CFAP95: variants seen among roughly 807,000 people sequenced by gnomAD.
CFAP95 encodes cilia- and flagella-associated protein 95.
chr9:69,847,400 T>C, the CFAP95 span, among the ~76,000 whole-genome samples: 2 of 152,148 alleles, frequency 1.3e-5, no homozygotes, highest in African/African-American at 4.8e-5. Context: ...AGCTAGAAAG[T>C]GTATTAAAAA....
chr9:69,886,953 C>T, the CFAP95 span: 2 of 1,344,094 alleles, frequency 1.5e-6, no homozygotes, highest in East Asian at 2.3e-5. Context: ...ATTATTTGCA[C>T]CTAGTATAGT....
At chr9:69,847,426 C>T in the CFAP95 span, among the ~76,000 whole-genome samples, 11 of 152,176 alleles carry the variant, frequency 7.2e-5, no homozygotes, top group Non-Finnish European at 1.6e-4. Flanking sequence ...ATCTATTGTT[C>T]TTCTCTGGCT....
At chr9:69,859,026 A>G in the CFAP95 span, among the ~76,000 whole-genome samples, 1 of 152,238 alleles carries the variant, frequency 6.6e-6, no homozygotes, top group Non-Finnish European at 1.5e-5. Context: ...AAGTTAATAT[A>G]TGTCAAACAA....
At chr9:69,865,275 C>T in the CFAP95 span, among the ~76,000 whole-genome samples, 1 of 152,150 alleles carries the variant, frequency 6.6e-6, no homozygotes, top group Admixed American at 6.5e-5. Context: ...TTATAAATTA[C>T]CCATTCTCGG....
the CFAP95 span, among the ~76,000 whole-genome samples, chr9:69,834,651 A>C: frequency 6.6e-6 from 1 of 152,324 alleles, no homozygotes; most frequent in South Asian, 2.1e-4. Context: ...TTCTATGAAG[A>C]AAATTTATAA....
At chr9:69,881,558 TTACTA>T in the CFAP95 span, among the ~76,000 whole-genome samples, 1 of 152,244 alleles carries the variant, frequency 6.6e-6, no homozygotes, top group Non-Finnish European at 1.5e-5. Context: ...GCTGTTTTGG[TTACTA>T]TAGCTTTGTA....
the CFAP95 span, among the ~76,000 whole-genome samples, chr9:69,891,804 T>C: frequency 6.6e-6 from 1 of 152,238 alleles, no homozygotes; most frequent in South Asian, 2.1e-4. Flanking sequence ...TATGGCCATG[T>C]GATATGACCA....
chr9:69,853,427 T>A, the CFAP95 span, among the ~76,000 whole-genome samples: 3 of 152,156 alleles, frequency 2.0e-5, no homozygotes, highest in Non-Finnish European at 4.4e-5. Context: ...CATTAGATAT[T>A]TTCTATATTA....
At chr9:69,830,657 A>G in the CFAP95 span, among the ~76,000 whole-genome samples, 1 of 152,144 alleles carries the variant, frequency 6.6e-6, no homozygotes, top group Non-Finnish European at 1.5e-5. Flanking sequence ...CTCTTATTTT[A>G]CTTTTTTAAA....
chr9:69,889,446 G>T, the CFAP95 span, among the ~76,000 whole-genome samples: 1 of 152,174 alleles, frequency 6.6e-6, no homozygotes, highest in African/African-American at 2.4e-5. Flanking sequence ...TAGCATTTCA[G>T]CAGTCAGAGA....
At chr9:69,877,224 T>C in the CFAP95 span, among the ~76,000 whole-genome samples, 1 of 152,210 alleles carries the variant, frequency 6.6e-6, no homozygotes, top group Non-Finnish European at 1.5e-5. Context: ...ATTTCCATCA[T>C]ACACCAAATT....
At chr9:69,827,962 C>T in the CFAP95 span, among the ~76,000 whole-genome samples, 1 of 152,194 alleles carries the variant, frequency 6.6e-6, no homozygotes, top group Admixed American at 6.5e-5. Flanking sequence ...ATGGTTTACT[C>T]TCATTGGCCT....
At chr9:69,833,571 C>T in the CFAP95 span, among the ~76,000 whole-genome samples, 2 of 152,188 alleles carry the variant, frequency 1.3e-5, no homozygotes, top group African/African-American at 2.4e-5. Context: ...TGTGCAGCTG[C>T]GGGAAATGTA....
the CFAP95 span, among the ~76,000 whole-genome samples, chr9:69,828,307 T>C: frequency 4.6e-5 from 7 of 152,190 alleles, no homozygotes; most frequent in East Asian, 7.7e-4. Context: ...CTCAGTAAAG[T>C]ATAAAGATTA....
At chr9:69,864,059 T>C in the CFAP95 span, among the ~76,000 whole-genome samples, 2 of 152,032 alleles carry the variant, frequency 1.3e-5, no homozygotes, top group Admixed American at 1.3e-4. Context: ...AGTACTGAGT[T>C]CCCACTGGAG....
At chr9:69,866,294 A>G in the CFAP95 span, among the ~76,000 whole-genome samples, 2 of 152,196 alleles carry the variant, frequency 1.3e-5, no homozygotes, top group African/African-American at 4.8e-5. Flanking sequence ...GAGAAGTCCT[A>G]CCATCTGCCT....
the CFAP95 span, among the ~76,000 whole-genome samples, chr9:69,846,758 A>G: frequency 6.6e-6 from 1 of 152,306 alleles, no homozygotes; most frequent in South Asian, 2.1e-4. Context: ...TCCTGTTGTC[A>G]CAGAGATTTG....
the CFAP95 span, among the ~76,000 whole-genome samples, chr9:69,831,961 T>C: frequency 1.3e-5 from 2 of 152,176 alleles, no homozygotes; most frequent in African/African-American, 4.8e-5. Context: ...ATCCATAAAC[T>C]ATAAGAACAG....
chr9:69,837,187 A>T, the CFAP95 span, among the ~76,000 whole-genome samples: 2 of 152,194 alleles, frequency 1.3e-5, no homozygotes, highest in Admixed American at 1.3e-4. Context: ...GCCGCAATAA[A>T]TATACGTGTG....
Sources: gnomAD v4.1 joint callset for allele counts (sites outside exome capture counted in the v4.1 genomes callset) on GRCh38, gnomAD v4.1.1 for gene constraint, MANE v1.5 for transcripts, NCBI Gene and HGNC (gene_info 2026-07-23, HGNC 2026-07-21) for gene names.